SEPTIN14: variants seen among roughly 807,000 people sequenced by gnomAD.
SEPTIN14 encodes the protein septin 14.
A neutral mutation model predicts 53.6 loss-of-function variants in SEPTIN14; 40 were observed. The ratio of observed to expected loss-of-function variants is 0.75; its 90% CI spans 0.58 to 0.97. The LOEUF is 0.97. Ranked by LOEUF, SEPTIN14 falls within the 50% of genes least tolerant of loss-of-function variation. The pLI, the probability that SEPTIN14 is intolerant of heterozygous loss-of-function variation, is 0.00. For synonymous variants in SEPTIN14, 138 were observed against 166.8 expected (o/e 0.83, Z 1.33); for missense variants, 471 against 508.2 (o/e 0.93, Z 0.70).
At chr7:55,805,592 T>C (rs1315958462) in intron 8 of SEPTIN14, among the ~76,000 whole-genome samples, 1 of 152,154 alleles carries the variant, frequency 6.6e-6, no homozygotes, top group Non-Finnish European at 1.5e-5. Flanking sequence ...ATATATTGTA[T>C]GTTACATCCT....
chr7:55,812,971 A>G (rs1253673499), intron 7 of SEPTIN14, among the ~76,000 whole-genome samples: 2 of 149,230 alleles, frequency 1.3e-5, no homozygotes, highest in Admixed American at 6.7e-5. Flanking sequence ...TTTTTTTTAG[A>G]TGGAGTCTCG....
chr7:55,808,125 T>C (rs1788639729), intron 7 of SEPTIN14, among the ~76,000 whole-genome samples: 1 of 152,100 alleles, frequency 6.6e-6, no homozygotes, highest in Non-Finnish European at 1.5e-5. Flanking sequence ...TAAGAAAATA[T>C]CAGATTTAAA....
At chr7:55,828,160 G>C (rs1414863809) in intron 6 of SEPTIN14, among the ~76,000 whole-genome samples, 1 of 151,742 alleles carries the variant, frequency 6.6e-6, no homozygotes, top group Non-Finnish European at 1.5e-5. Context: ...AGTTCAATGA[G>C]ATCCAAGACA....
At chr7:55,824,520 C>T (rs187033756) in intron 6 of SEPTIN14, among the ~76,000 whole-genome samples, 310 of 152,110 alleles carry the variant, frequency 2.0e-3, no homozygotes, top group Non-Finnish European at 3.9e-3. Flanking sequence ...CAGTGGCTCA[C>T]ATCTGTAATC....
chr7:55,811,443 A>T, intron 7 of SEPTIN14: 1 of 355,060 alleles, frequency 2.8e-6, no homozygotes. Context: ...GGAGCGATGG[A>T]GATGGGGAAG....
At chr7:55,835,182 T>C (rs928112785) in intron 5 of SEPTIN14, among the ~76,000 whole-genome samples, 1 of 151,828 alleles carries the variant, frequency 6.6e-6, no homozygotes, top group African/African-American at 2.4e-5. Context: ...ACAATGTAAA[T>C]TATTTTATTT....
At chr7:55,860,627 A>G (rs944466955) in intron 2 of SEPTIN14, among the ~76,000 whole-genome samples, 9 of 152,224 alleles carry the variant, frequency 5.9e-5, no homozygotes, top group African/African-American at 2.2e-4. Flanking sequence ...TATGCATATA[A>G]TAAAATATCA....
intron 5 of SEPTIN14, among the ~76,000 whole-genome samples, chr7:55,841,492 G>A (rs1789310067): frequency 6.6e-6 from 1 of 151,624 alleles, no homozygotes; most frequent in African/African-American, 2.4e-5. Context: ...GGCTGAGGCG[G>A]GCAGATCACT....
intron 6 of SEPTIN14, among the ~76,000 whole-genome samples, chr7:55,828,127 A>T (rs551816801): frequency 6.6e-6 from 1 of 152,196 alleles, no homozygotes; most frequent in South Asian, 2.1e-4. Flanking sequence ...AAGATAATGA[A>T]TTCAAAATAT....
chr7:55,830,614 A>G (rs1468326438), intron 6 of SEPTIN14, among the ~76,000 whole-genome samples: 2 of 150,508 alleles, frequency 1.3e-5, no homozygotes, highest in Non-Finnish European at 3.0e-5. Context: ...AAGTGCTGAG[A>G]TTACAGGGGT....
At chr7:55,858,807 G>A (rs1486854725) in intron 2 of SEPTIN14, among the ~76,000 whole-genome samples, 2 of 148,478 alleles carry the variant, frequency 1.3e-5, no homozygotes, top group Non-Finnish European at 3.0e-5. Flanking sequence ...TCTATCCCCC[G>A]CCAAAAAAAG....
rs115053215 is a variant in SEPTIN14, at chr7:55,801,344, G to A, written c.1119+3914C>T. Among the ~76,000 whole-genome samples, 1,171 of 152,010 alleles carry A rather than the reference G, an allele frequency of 7.7e-3. 15 individuals carry two copies. Among genetic ancestry groups the A allele is most frequent in the African/African-American group, 0.026 (1,069 of 41,484 alleles). On this transcript the variant is annotated intron_variant, in intron 9 of 9. Coordinates refer to ENST00000388975, the MANE Select transcript of SEPTIN14 (RefSeq NM_207366.3). ...AACTCAAACAAATAAAATCAGAAAT[G>A]AAAGGTGACACATAACCACTGACAC... is the stretch of plus-strand genomic sequence containing the variant.
intron 5 of SEPTIN14, among the ~76,000 whole-genome samples, chr7:55,836,123 T>C (rs1418509957): frequency 1.3e-5 from 2 of 152,238 alleles, no homozygotes; most frequent in East Asian, 3.9e-4. Flanking sequence ...TGCAAACAAA[T>C]ATGTTCATTT....
intron 4 of SEPTIN14, 66 bp from the exon 5 acceptor site, chr7:55,843,194 T>G: frequency 5.2e-6 from 5 of 961,846 alleles, no homozygotes; most frequent in Non-Finnish European, 7.5e-6. Context: ...TTTTGACCAC[T>G]TAATGAGCAG....
chr7:55,834,014 G>A (rs1327127491), intron 6 of SEPTIN14, among the ~76,000 whole-genome samples: 2 of 152,016 alleles, frequency 1.3e-5, no homozygotes, highest in East Asian at 1.9e-4. Flanking sequence ...AGAGCTTAAA[G>A]AGACCAATAA....
chr7:55,798,008 C>T (rs2115944517), intron 9 of SEPTIN14: 1 of 159,064 alleles, frequency 6.3e-6, no homozygotes, highest in Non-Finnish European at 1.4e-5. Context: ...AAGTGTGAGC[C>T]CCTGCCAGGA....
At chr7:55,796,645 T>C (rs1788436675) in intron 9 of SEPTIN14, among the ~76,000 whole-genome samples, 1 of 151,990 alleles carries the variant, frequency 6.6e-6, no homozygotes, top group African/African-American at 2.4e-5. Context: ...CTGGATGCAG[T>C]GGCTCATGCT....
intron 9 of SEPTIN14, among the ~76,000 whole-genome samples, chr7:55,801,097 A>G (rs1788515791): frequency 6.6e-6 from 1 of 152,136 alleles, no homozygotes; most frequent in African/African-American, 2.4e-5. Context: ...AAATGCCTAT[A>G]TTAAGAAAAA....
chr7:55,822,292 A>G (rs1476815550), intron 6 of SEPTIN14, among the ~76,000 whole-genome samples: 3 of 152,214 alleles, frequency 2.0e-5, no homozygotes, highest in Non-Finnish European at 2.9e-5. Flanking sequence ...ATGTACATGG[A>G]TAGAAAGACT....
Sources: gnomAD v4.1 joint callset for allele counts (sites outside exome capture counted in the v4.1 genomes callset) on GRCh38, gnomAD v4.1.1 for gene constraint, MANE v1.5 for transcripts, NCBI Gene and HGNC (gene_info 2026-07-23, HGNC 2026-07-21) for gene names.